IQSEC1: variants seen among roughly 807,000 people sequenced by gnomAD.
IQSEC1 encodes the protein IQ motif and SEC7 domain-containing protein 1.
IQSEC1 carries 31 observed loss-of-function variants against 91.0 expected under a neutral mutation model. The ratio of observed to expected loss-of-function variants is 0.34; its 90% CI spans 0.26 to 0.46. The LOEUF is 0.46. IQSEC1 is among the 20% of genes least tolerant of loss of function. The pLI is 1.00. For synonymous variants in IQSEC1, 699 were observed against 662.6 expected (o/e 1.05, Z -0.84); for missense variants, 1,388 against 1,575.6 (o/e 0.88, Z 2.02).
At chr3:12,903,898 C>CT (rs1423167912) in intron 12 of IQSEC1, among the ~76,000 whole-genome samples, 1 of 152,244 alleles carries the variant, frequency 6.6e-6, no homozygotes, top group African/African-American at 2.4e-5. Flanking sequence ...GAGAGGAACA[C>CT]TGAGGCCCAA....
intron 1 of IQSEC1, among the ~76,000 whole-genome samples, chr3:13,054,895 C>G (rs777614053): frequency 3.3e-5 from 5 of 152,218 alleles, no homozygotes; most frequent in African/African-American, 7.2e-5. Context: ...ATTTGTAAAA[C>G]GGGGCTGATC....
At chr3:13,095,799 G>C (rs1185476989) in intron 2 of IQSEC1, among the ~76,000 whole-genome samples, 2 of 152,226 alleles carry the variant, frequency 1.3e-5, no homozygotes, top group African/African-American at 2.4e-5. Context: ...GGGCGGGGCA[G>C]CTTTTATTCC....
chr3:13,221,157 AG>A (rs1404929005), intron 1 of IQSEC1, among the ~76,000 whole-genome samples: 1 of 151,868 alleles, frequency 6.6e-6, no homozygotes, highest in Non-Finnish European at 1.5e-5. Flanking sequence ...TGGTGAGGGG[AG>A]GGAAGTGGTT....
At chr3:13,279,982 A>G (rs528617669) in intron 1 of IQSEC1, among the ~76,000 whole-genome samples, 5 of 152,324 alleles carry the variant, frequency 3.3e-5, no homozygotes, top group African/African-American at 1.2e-4. Flanking sequence ...AAGAAATGAC[A>G]AACAGGTGGA....
rs188475652 is a variant in IQSEC1, at chr3:12,900,639, T to A, written c.*344A>T. 6.2e-6 allele frequency: 7 copies of A among 1,126,154 alleles called. No individual in the cohort carries two copies. Among genetic ancestry groups the A allele is most frequent in the Non-Finnish European group, 7.6e-6 (7 of 917,914 alleles). The allele number at this position is 1,126,154 out of a possible 1,614,324, so 69.8% of individuals were successfully genotyped here. ...CTTCGTTTTCTAGGTTGGGTTTTCA[T>A]ATGCATGTACATTAGGGCACAGGGA... On this transcript the variant is annotated 3_prime_UTR_variant, in exon 14 of 14. Transcript: ENST00000613206.
At chr3:12,990,734 G>A (rs966747293) in intron 1 of IQSEC1, among the ~76,000 whole-genome samples, 1 of 152,194 alleles carries the variant, frequency 6.6e-6, no homozygotes, top group African/African-American at 2.4e-5. Context: ...AACGCTGAAA[G>A]GACAATCAAT....
intron 1 of IQSEC1, among the ~76,000 whole-genome samples, chr3:13,242,234 C>T (rs1695032660): frequency 6.6e-6 from 1 of 152,138 alleles, no homozygotes; most frequent in African/African-American, 2.4e-5. Context: ...CTCCAGGTCT[C>T]CGCGGCTGTG....
intron 1 of IQSEC1, among the ~76,000 whole-genome samples, chr3:12,973,116 G>A (rs1214214782): frequency 2.0e-5 from 3 of 152,128 alleles, no homozygotes; most frequent in African/African-American, 4.8e-5. Context: ...GGTGGTATAG[G>A]GTTGTCCACC....
chr3:13,050,253 T>C (rs578247604), intron 1 of IQSEC1, among the ~76,000 whole-genome samples: 1 of 152,192 alleles, frequency 6.6e-6, no homozygotes, highest in South Asian at 2.1e-4. Context: ...TTGTTCTCCC[T>C]GCCGTCCTTT....
At chr3:13,220,444 C>G (rs1368765455) in intron 1 of IQSEC1, among the ~76,000 whole-genome samples, 1 of 152,226 alleles carries the variant, frequency 6.6e-6, no homozygotes, top group African/African-American at 2.4e-5. Flanking sequence ...CACTGGCCCC[C>G]ACAAGGGGCT....
At chr3:13,068,498 C>G (rs1224693916) in intron 1 of IQSEC1, among the ~76,000 whole-genome samples, 1 of 152,228 alleles carries the variant, frequency 6.6e-6, no homozygotes, top group Non-Finnish European at 1.5e-5. Flanking sequence ...ATGACACCCC[C>G]TCATGGTTGG....
At chr3:12,902,915 CCCCTGCTGGGAGCAGGCA>C (rs1694525820) in intron 12 of IQSEC1, 93 bp from the exon 13 acceptor site, 1 of 970,124 alleles carries the variant, frequency 1.0e-6, no homozygotes, top group Non-Finnish European at 1.7e-6. Context: ...GGAGCCTGCA[CCCCTGCTGGGAGCAGGCA>C]CAGGTGCCGG....
At chr3:13,122,893 C>T (rs751335818) in intron 2 of IQSEC1, among the ~76,000 whole-genome samples, 2 of 152,166 alleles carry the variant, frequency 1.3e-5, no homozygotes, top group Non-Finnish European at 2.9e-5. Flanking sequence ...CCACATCAAT[C>T]TAATGGAGGA....
chr3:13,137,119 G>A (rs1706724367), intron 2 of IQSEC1, among the ~76,000 whole-genome samples: 1 of 152,158 alleles, frequency 6.6e-6, no homozygotes. Context: ...CTGGGCCACA[G>A]AGTGAGACCC....
At chr3:13,220,155 C>T (rs989136950) in intron 1 of IQSEC1, among the ~76,000 whole-genome samples, 3 of 152,216 alleles carry the variant, frequency 2.0e-5, no homozygotes, top group African/African-American at 4.8e-5. Flanking sequence ...GTTAGCATTG[C>T]AAACTCAACT....
At chr3:13,206,222 G>A (rs1213689304) in intron 1 of IQSEC1, among the ~76,000 whole-genome samples, 1 of 95,322 alleles carries the variant, frequency 1.0e-5, no homozygotes, top group Admixed American at 1.1e-4. Context: ...TCTTATGTAT[G>A]TATAGGACAA....
intron 1 of IQSEC1, among the ~76,000 whole-genome samples, chr3:13,070,472 T>G (rs1369137312): frequency 6.6e-6 from 1 of 152,132 alleles, no homozygotes; most frequent in African/African-American, 2.4e-5. Context: ...CTTTCCACAC[T>G]GAAAGGCAGG....
chr3:13,262,539 C>T (rs116079322), intron 1 of IQSEC1, among the ~76,000 whole-genome samples: 1,672 of 152,316 alleles, frequency 0.011, 33 homozygotes, highest in African/African-American at 0.038. Flanking sequence ...ATCACCCCAG[C>T]ACCCAGCAAC....
chr3:13,086,455 G>A (rs1705737024), intron 2 of IQSEC1, among the ~76,000 whole-genome samples: 1 of 152,188 alleles, frequency 6.6e-6, no homozygotes, highest in Non-Finnish European at 1.5e-5. Flanking sequence ...CACCTGCAGG[G>A]CTGGGAACCA....
Sources: allele counts gnomAD v4.1 joint callset (sites outside exome capture counted in the v4.1 genomes callset), GRCh38; gene constraint gnomAD v4.1.1; transcripts MANE v1.5; gene names NCBI Gene and HGNC (gene_info 2026-07-23, HGNC 2026-07-21).